The following OTOG variants were observed in gnomAD, a reference collection of about 807,000 sequenced individuals.
OTOG encodes otogelin.
OTOG carries 296 observed loss-of-function variants against 313.8 expected under a neutral mutation model. The ratio of observed to expected loss-of-function variants is 0.94; its 90% CI spans 0.86 to 1.04. The LOEUF (loss-of-function observed/expected upper bound fraction) is 1.04, where lower values mean the gene tolerates loss of function less well. Among genes scored for constraint, OTOG ranks in the 50% least tolerant of loss-of-function variants. The pLI, the probability that OTOG is intolerant of heterozygous loss-of-function variation, is 0.00. For missense variants in OTOG, 3,948 were observed against 3,840.1 expected, an observed-to-expected ratio of 1.03 and a Z score of -0.74; for synonymous variants, 1,533 against 1,554.9, an observed-to-expected ratio of 0.99 and a Z score of 0.33.
chr11:17,576,475 G>C, intron 20 of OTOG, 81 bp from the exon 21 acceptor site: 1 of 1,146,240 alleles, frequency 8.7e-7, no homozygotes, highest in Non-Finnish European at 1.3e-6. Flanking sequence ...CTGGTTGGCT[G>C]AGGGTGGGGT....
At position 17,608,322 on chromosome 11, in the gene OTOG, C is replaced by T. The variant is rs1441385268; in HGVS notation, c.4183C>T (p.Pro1395Ser). The change falls in exon 34 of 56, where the codon CCC becomes TCC. Residue 1395 changes from proline (P) to serine (S), a missense_variant. Transcript: ENST00000399397. The part of the protein sequence containing the change: ...LDAKPSGAAY[P>S]ICEWRYDACA... ...TGCCAAGCCCTCGGGGGCTGCCTAC[C>T]CCATCTGCGAGTGGCGCTACGATGC... 1.9e-6 allele frequency: 3 copies of T among 1,545,098 alleles called. No individual in the cohort carries two copies. Among genetic ancestry groups the T allele is most frequent in the South Asian group, 1.2e-5 (1 of 82,694 alleles).
chr11:17,552,612 T>TACTGTGTCCCCCACCTGTCCTGTGTC (rs1851966768), intron 4 of OTOG, among the ~76,000 whole-genome samples: 1 of 151,584 alleles, frequency 6.6e-6, no homozygotes, highest in African/African-American at 2.4e-5. Context: ...CCCCCACCTG[T>TACTGTGTCCCCCACCTGTCCTGTGTC]CCTCTCACAT....
chr11:17,610,393 C>A lies in OTOG; in HGVS notation c.5093C>A (p.Thr1698Asn). The part of the protein sequence containing the change: ...QSASSPSTPL[T>N]VAGTAAEQVP... ...GCTTCAAGTCCCAGCACCCCTCTAA[C>A]TGTGGCTGGAACAGCAGCAGAACAG... Residue 1698 changes from threonine to asparagine, a missense_variant, in exon 36 of 56, where the codon ACT becomes AAT. By Grantham distance (65) the Thr-to-Asn change is moderately conservative. Transcript: ENST00000399397. The A allele has an allele frequency of 6.4e-7, 1 of 1,550,420 alleles. No individual in the cohort carries two copies. The highest frequency in any genetic ancestry group is 8.7e-7 in the Non-Finnish European group (1 of 1,146,808).
intron 16 of OTOG, 42 bp downstream of exon 16, chr11:17,569,330 G>A (rs1852358397): frequency 6.5e-7 from 1 of 1,547,522 alleles, no homozygotes; most frequent in African/African-American, 1.4e-5. Flanking sequence ...GGGAACTGAG[G>A]GTTTGGACCT....
chr11:17,635,390 G>A (rs1455766141), intron 46 of OTOG, among the ~76,000 whole-genome samples: 6 of 152,150 alleles, frequency 3.9e-5, no homozygotes, highest in Non-Finnish European at 8.8e-5. Context: ...TACTAAGCAC[G>A]AGGAAACTGG....
At chr11:17,569,975 A>G (rs1852368656) in intron 16 of OTOG, among the ~76,000 whole-genome samples, 1 of 152,214 alleles carries the variant, frequency 6.6e-6, no homozygotes, top group African/African-American at 2.4e-5. Context: ...GATGCTAAAA[A>G]AAATTTCTTA....
Position 17,561,742 on chromosome 11 carries a change from A to C in OTOG, c.1579A>C (p.Ile527Leu). 2.6e-6 allele frequency: 4 copies of C among 1,550,386 alleles called. No individual in the cohort carries two copies. Among genetic ancestry groups the C allele is most frequent in the Non-Finnish European group, 3.5e-6 (4 of 1,146,940 alleles). ...CACGTTCCCCGCCACATGTCAGTAC[A>C]TCCTGGCCAAGAGCCGCTCTTCGGG... ...RYTFPATCQY[I>L]LAKSRSSGTF... The change falls in exon 15 of 56, where the codon ATC becomes CTC. Residue 527 changes from isoleucine to leucine, a missense_variant. Ile to Leu is a conservative substitution (Grantham distance 5, BLOSUM62 2). Coordinates refer to ENST00000399397, the MANE Select transcript of OTOG (RefSeq NM_001292063.2).
chr11:17,582,266 C>T (rs1365422890), intron 23 of OTOG, among the ~76,000 whole-genome samples: 1 of 152,130 alleles, frequency 6.6e-6, no homozygotes, highest in African/African-American at 2.4e-5. Flanking sequence ...AGTAGTTATT[C>T]CTGTTCTAGA....
At chr11:17,593,513 G>A in intron 26 of OTOG, 97 bp from the exon 27 acceptor site, 1 of 1,485,844 alleles carries the variant, frequency 6.7e-7, no homozygotes, top group Non-Finnish European at 9.1e-7. Flanking sequence ...AGGGTATGAG[G>A]GAGGCAGAGG....
intron 15 of OTOG, among the ~76,000 whole-genome samples, chr11:17,565,704 T>C (rs1852281503): frequency 1.3e-5 from 2 of 152,246 alleles, no homozygotes; most frequent in African/African-American, 2.4e-5. Flanking sequence ...CTTTGAGTTA[T>C]AATCCACTAC....
intron 15 of OTOG, among the ~76,000 whole-genome samples, chr11:17,564,485 A>G (rs560889007): frequency 1.3e-5 from 2 of 152,338 alleles, no homozygotes; most frequent in South Asian, 4.1e-4. Flanking sequence ...ATTAGATTAT[A>G]TGAGAAAAAC....
At chr11:17,644,277 T>C (rs1456101665) in intron 54 of OTOG, among the ~76,000 whole-genome samples, 1 of 152,274 alleles carries the variant, frequency 6.6e-6, no homozygotes, top group Non-Finnish European at 1.5e-5. Context: ...CAGAGGGCCA[T>C]GTCAGGACAG....
At chr11:17,607,177 G>A (rs2134084333) in intron 33 of OTOG, among the ~76,000 whole-genome samples, 1 of 152,376 alleles carries the variant, frequency 6.6e-6, no homozygotes, top group African/African-American at 2.4e-5. Flanking sequence ...CTGGCACATA[G>A]TAGGTGCTCC....
At chr11:17,613,910 G>C (rs561324965) in intron 39 of OTOG, among the ~76,000 whole-genome samples, 12 of 151,532 alleles carry the variant, frequency 7.9e-5, no homozygotes, top group Admixed American at 1.3e-4. Context: ...AGGGGAGGAA[G>C]TATACCAGGA....
rs1403936533 is a variant in OTOG, at chr11:17,631,757, G to T, written c.6768G>T (p.Val2256=). The part of the protein sequence containing the change: ...NDLTLKDGSV[V]GGAEDPAPFL... ...TTACCCTGAAGGATGGCTCAGTGGT[G>T]GGTGGGGCTGAGGACCCTGCTCCCT... is the stretch of plus-strand genomic sequence containing the variant. The change falls in exon 41 of 56, where the codon GTG becomes GTT. Residue 2256 remains valine, a synonymous_variant. Coordinates refer to ENST00000399397, the MANE Select transcript of OTOG (RefSeq NM_001292063.2). 2 of 1,550,628 alleles carry T rather than the reference G, an allele frequency of 1.3e-6. No individual in the cohort carries two copies. The highest frequency in any genetic ancestry group is 1.7e-6 in the Non-Finnish European group (2 of 1,147,008).
At chr11:17,629,953 G>A (rs547872339) in intron 40 of OTOG, among the ~76,000 whole-genome samples, 2 of 151,882 alleles carry the variant, frequency 1.3e-5, no homozygotes, top group Admixed American at 1.3e-4. Flanking sequence ...TGATTGTGAC[G>A]ATGGGTGAGA....
chr11:17,641,919 ACCTTC>A lies in OTOG; in HGVS notation c.8266_8270del (p.Phe2756GlnfsTer43). 1 of 1,549,954 alleles carries A rather than the reference ACCTTC, an allele frequency of 6.5e-7. No homozygotes were observed. ...CTGCAGGAACGTGTCCTGTCTCTTC[ACCTTC>A]CCCAATGGCACCACCTCCCTGTTCT... On this transcript the variant is annotated frameshift_variant, in exon 52 of 56. Coordinates refer to ENST00000399397, the MANE Select transcript of OTOG (RefSeq NM_001292063.2). LOFTEE classifies it high-confidence loss of function.
intron 32 of OTOG, among the ~76,000 whole-genome samples, chr11:17,605,318 C>A (rs1853354850): frequency 1.3e-5 from 2 of 152,186 alleles, no homozygotes; most frequent in Admixed American, 6.5e-5. Context: ...CTCTCTGGGA[C>A]CCTCTCCCTA....
intron 23 of OTOG, among the ~76,000 whole-genome samples, chr11:17,583,302 T>G (rs1233232575): frequency 6.6e-6 from 1 of 152,026 alleles, no homozygotes; most frequent in Non-Finnish European, 1.5e-5. Flanking sequence ...ACCTGGCAAA[T>G]TTTTTAAATT....
Sources: gnomAD v4.1 joint callset for allele counts (sites outside exome capture counted in the v4.1 genomes callset) on GRCh38, gnomAD v4.1.1 for gene constraint, MANE v1.5 for transcripts, NCBI Gene and HGNC (gene_info 2026-07-23, HGNC 2026-07-21) for gene names.